Variants in DOCK1 observed in about 807,000 individuals in gnomAD.
DOCK1 encodes the protein dedicator of cytokinesis protein 1.
A neutral mutation model predicts 262.7 loss-of-function variants in DOCK1; 138 were observed. The observed-to-expected ratio is 0.53, with a 90% CI of 0.46 to 0.61. DOCK1 has a LOEUF of 0.61. DOCK1 is among the 20% of genes least tolerant of loss of function. The pLI, the probability that DOCK1 is intolerant of heterozygous loss-of-function variation, is 0.00. For synonymous variants in DOCK1, 866 were observed against 867.4 expected (o/e 1.00, Z 0.03); for missense variants, 1,908 against 2,370.7 (o/e 0.80, Z 4.05).
intron 3 of DOCK1, among the ~76,000 whole-genome samples, chr10:126,978,958 A>G (rs9732485): frequency 0.97 from 147,666 of 152,188 alleles, 71,669 homozygotes; most frequent in East Asian, 0.99. Context: ...CTTGGGAAGG[A>G]TCCAGGGTGG....
chr10:126,930,726 C>T (rs1391606883), intron 1 of DOCK1, among the ~76,000 whole-genome samples: 1 of 152,248 alleles, frequency 6.6e-6, no homozygotes, highest in Non-Finnish European at 1.5e-5. Context: ...AGGTTGGCAT[C>T]TAAGACATGT....
chr10:127,008,679 C>T (rs1246152287), intron 10 of DOCK1, 53 bp from the exon 11 acceptor site: 2 of 1,428,908 alleles, frequency 1.4e-6, no homozygotes, highest in East Asian at 4.9e-5. Flanking sequence ...TGTTTGTGTT[C>T]TGTGATTATA....
At chr10:127,393,952 A>G (rs2066659351) in intron 38 of DOCK1, among the ~76,000 whole-genome samples, 1 of 152,112 alleles carries the variant, frequency 6.6e-6, no homozygotes, top group Non-Finnish European at 1.5e-5. Context: ...GTGTGCCCCA[A>G]AAGCCTTCTG....
chr10:127,440,359 T>A (rs1233190880), intron 49 of DOCK1, among the ~76,000 whole-genome samples: 1 of 152,084 alleles, frequency 6.6e-6, no homozygotes, highest in Non-Finnish European at 1.5e-5. Flanking sequence ...AGGACAGATA[T>A]CCGAGCTGTA....
rs141750063 is a variant in DOCK1 at position 127,191,782 on chromosome 10, C to T, written c.2848-56226C>T. Among the ~76,000 whole-genome samples, 261 of 152,320 alleles carry T rather than the reference C, an allele frequency of 1.7e-3. 2 individuals carry two copies. The highest frequency in any genetic ancestry group is 5.9e-3 in the African/African-American group (247 of 41,578). ...TGTAAAAAGGCCCTCATGCCATCAG[C>T]CTGTGCTTTTTCCTCTTTCTCTCTG... On this transcript the variant is annotated intron_variant, in intron 27 of 51. Coordinates refer to ENST00000623213, the MANE Select transcript of DOCK1 (RefSeq NM_001290223.2).
At chr10:127,068,197 A>C (rs1366327926) in intron 23 of DOCK1, among the ~76,000 whole-genome samples, 2 of 152,176 alleles carry the variant, frequency 1.3e-5, no homozygotes, top group Non-Finnish European at 2.9e-5. Context: ...TTCTTGCCTT[A>C]AATCTTACCC....
chr10:127,116,056 A>G (rs908282279), intron 25 of DOCK1, among the ~76,000 whole-genome samples: 12 of 152,140 alleles, frequency 7.9e-5, no homozygotes, highest in Non-Finnish European at 1.3e-4. Context: ...TCTTGCAAAT[A>G]GTTGGATACT....
At chr10:127,209,813 A>G (rs951922501) in intron 27 of DOCK1, among the ~76,000 whole-genome samples, 2 of 152,158 alleles carry the variant, frequency 1.3e-5, no homozygotes, top group African/African-American at 4.8e-5. Flanking sequence ...AGGGATTGCA[A>G]AGGTGGTTAT....
chr10:127,187,706 T>TA (rs952467679), intron 27 of DOCK1, among the ~76,000 whole-genome samples: 37 of 147,570 alleles, frequency 2.5e-4, no homozygotes, highest in African/African-American at 8.0e-4. Flanking sequence ...GTTAATCCAT[T>TA]AAAAAACAAG....
intron 22 of DOCK1, among the ~76,000 whole-genome samples, chr10:127,061,460 G>A (rs1415896896): frequency 6.6e-6 from 1 of 152,244 alleles, no homozygotes; most frequent in East Asian, 1.9e-4. Context: ...TTAAGGGTCA[G>A]CCTCTGTATG....
intron 23 of DOCK1, among the ~76,000 whole-genome samples, chr10:127,097,124 T>A (rs1237746624): frequency 6.6e-6 from 1 of 151,866 alleles, no homozygotes; most frequent in Non-Finnish European, 1.5e-5. Flanking sequence ...AAAAAAAAAA[T>A]TATTTTATTT....
Position 127,176,177 on chromosome 10 carries a change from C to T in DOCK1, c.2847+48413C>T, listed in dbSNP as rs754007845. ...CTCTGCAGGACACGGGCTTGGCCTCCCGCTTCTCCCCCAGCTGGCCCGAGG... is the reference window on the plus strand; with the variant it reads ...CTCTGCAGGACACGGGCTTGGCCTCTCGCTTCTCCCCCAGCTGGCCCGAGG... On this transcript the variant is annotated intron_variant, in intron 27 of 51. Transcript: ENST00000623213. The surrounding 1 kb of genome is among the most constrained non-coding windows in gnomAD (Gnocchi z 4.4). The T allele has an allele frequency of 4.3e-6, 7 of 1,614,138 alleles. No individual in the cohort carries two copies. The East Asian group carries it at 1.6e-4, about 36-fold the overall frequency.
chr10:127,145,481 T>C (rs528554142), intron 27 of DOCK1, among the ~76,000 whole-genome samples: 20 of 152,282 alleles, frequency 1.3e-4, no homozygotes, highest in African/African-American at 4.8e-4. Context: ...TTTCCAACTT[T>C]TGACAGAAAC....
chr10:127,327,171 CTA>C (rs2062780256), intron 29 of DOCK1, among the ~76,000 whole-genome samples: 1 of 152,238 alleles, frequency 6.6e-6, no homozygotes, highest in East Asian at 1.9e-4. Context: ...TAGCCCCCGG[CTA>C]TAGAGTCAGC....
intron 37 of DOCK1, among the ~76,000 whole-genome samples, chr10:127,382,551 G>C (rs1162130361): frequency 6.6e-6 from 1 of 152,270 alleles, no homozygotes; most frequent in Non-Finnish European, 1.5e-5. Context: ...TGCCACGTGG[G>C]CTCTCCCAAG....
intron 23 of DOCK1, among the ~76,000 whole-genome samples, chr10:127,080,484 C>T (rs1002928586): frequency 6.6e-6 from 1 of 151,912 alleles, no homozygotes; most frequent in Non-Finnish European, 1.5e-5. Context: ...ATTTAATATC[C>T]AGCCCTCCTG....
chr10:127,285,716 C>A (rs1280369701), intron 29 of DOCK1, among the ~76,000 whole-genome samples: 3 of 152,184 alleles, frequency 2.0e-5, no homozygotes, highest in Non-Finnish European at 4.4e-5. Context: ...CACTGGTAGT[C>A]CCTATGGAGC....
At chr10:127,161,863 A>G (rs1216946884) in intron 27 of DOCK1, among the ~76,000 whole-genome samples, 1 of 152,184 alleles carries the variant, frequency 6.6e-6, no homozygotes. Context: ...ACAAATGAAA[A>G]AATATAATTG....
Position 127,444,197 on chromosome 10 carries a change from G to C in DOCK1, c.5331G>C (p.Ser1777=), listed in dbSNP as rs34381953. Residue 1777 remains serine (S), a synonymous_variant, in exon 50 of 52, where the codon TCG becomes TCC. Transcript: ENST00000623213. ...MNVIGSERRF[S]VSPSSPSSQQ... is the part of the protein sequence containing the mutation. ...TCATTGGAAGCGAAAGGCGCTTCTC[G>C]GTGTCCCCCTCGTCACCGTCCTCCC... is the stretch of plus-strand genomic sequence containing the variant. 1 of 1,608,254 alleles carries C rather than the reference G, an allele frequency of 6.2e-7. No individual in the cohort carries two copies. The highest frequency in any genetic ancestry group is 8.5e-7 in the Non-Finnish European group (1 of 1,178,088).
Sources: allele counts gnomAD v4.1 joint callset (sites outside exome capture counted in the v4.1 genomes callset), GRCh38; gene constraint gnomAD v4.1.1; non-coding constraint Gnocchi (gnomAD v3.1); transcripts MANE v1.5; gene names NCBI Gene and HGNC (gene_info 2026-07-23, HGNC 2026-07-21).